Variants in CFAP46 observed in about 807,000 individuals in gnomAD.
CFAP46 encodes cilia and flagella associated protein 46, also known as cilia- and flagella-associated protein 46.
CFAP46 carries 245 observed loss-of-function variants against 325.7 expected under a neutral mutation model. The observed-to-expected ratio is 0.75, with a 90% CI of 0.68 to 0.84. The LOEUF is 0.84. CFAP46 is among the 40% of genes least tolerant of loss of function. The pLI is 0.00. For synonymous variants in CFAP46, 1,523 were observed against 1,495.9 expected, an observed-to-expected ratio of 1.02 and a Z score of -0.42; for missense variants, 3,346 against 3,543.0, an observed-to-expected ratio of 0.94 and a Z score of 1.41.
At chr10:132,840,313 T>A (rs968258879) in intron 44 of CFAP46, among the ~76,000 whole-genome samples, 1 of 152,236 alleles carries the variant, frequency 6.6e-6, no homozygotes, top group African/African-American at 2.4e-5. Flanking sequence ...TGGGTCTTTT[T>A]CTTACTGATA....
rs1056794287 is a variant in CFAP46, at chr10:132,827,861, G to A, written c.7117+5497C>T. Among the ~76,000 whole-genome samples the A allele has an allele frequency of 2.7e-5, 4 of 150,418 alleles. No individual in the cohort carries two copies. The highest frequency in any genetic ancestry group is 2.7e-4 in the Admixed American group (4 of 15,084). ...GTATTTCCCAGGCTTTTGTAAAAAT[G>A]AAACCATCCCTGTGCACTCCCTTGA... On this transcript the variant is annotated intron_variant, in intron 50 of 57. Transcript: ENST00000368586. The surrounding 1 kb of genome is among the most constrained non-coding windows in gnomAD (Gnocchi z 5.7).
chr10:132,868,893 C>T (rs556705416), intron 33 of CFAP46, among the ~76,000 whole-genome samples: 1 of 152,366 alleles, frequency 6.6e-6, no homozygotes, highest in South Asian at 2.1e-4. Context: ...TAAACTTCAA[C>T]AGCTCTGAAG....
At chr10:132,882,594 C>G (rs1554881327) in intron 27 of CFAP46, among the ~76,000 whole-genome samples, 8 of 151,718 alleles carry the variant, frequency 5.3e-5, no homozygotes, top group Non-Finnish European at 1.2e-4. Flanking sequence ...ATTCACAGGT[C>G]TAGCGGGTGG....
At chr10:132,836,745 C>T (rs999052787) in intron 45 of CFAP46, 72 bp downstream of exon 45, 15 of 1,321,144 alleles carry the variant, frequency 1.1e-5, no homozygotes, top group South Asian at 2.4e-5. Context: ...GGGCAGCCCA[C>T]GGCTGGGTCT....
chr10:132,870,641 C>G (rs749876114), intron 32 of CFAP46, among the ~76,000 whole-genome samples: 4 of 152,206 alleles, frequency 2.6e-5, no homozygotes, highest in Non-Finnish European at 4.4e-5. Context: ...TCATCCAGAG[C>G]CAGGCCCTCA....
intron 39 of CFAP46, among the ~76,000 whole-genome samples, 155 bp downstream of exon 39, chr10:132,857,435 T>A (rs1248936813): frequency 1.3e-5 from 2 of 152,260 alleles, no homozygotes; most frequent in South Asian, 2.1e-4. Flanking sequence ...ATACACTGTT[T>A]GTTTTTTTGT....
At chr10:132,823,288 G>GCA (rs1227975943) in intron 50 of CFAP46, among the ~76,000 whole-genome samples, 6 of 117,472 alleles carry the variant, frequency 5.1e-5, no homozygotes, top group Non-Finnish European at 8.7e-5. Context: ...TGCTGTGTGT[G>GCA]CTGTGTGTTG....
At chr10:132,818,197 G>T (rs1051892044) in intron 50 of CFAP46, among the ~76,000 whole-genome samples, 1 of 152,118 alleles carries the variant, frequency 6.6e-6, no homozygotes, top group Non-Finnish European at 1.5e-5. Context: ...AGTGGTGGCC[G>T]CGCCGGGCAG....
intron 24 of CFAP46, among the ~76,000 whole-genome samples, chr10:132,897,560 A>G (rs1042933897): frequency 1.3e-5 from 2 of 152,242 alleles, no homozygotes; most frequent in Admixed American, 6.5e-5. Context: ...GCAGCCAGAA[A>G]ATGTGCTGGG....
At chr10:132,875,504 T>C (rs1472721444) in intron 31 of CFAP46, among the ~76,000 whole-genome samples, 1 of 152,196 alleles carries the variant, frequency 6.6e-6, no homozygotes, top group Non-Finnish European at 1.5e-5. Context: ...AGCTCAGTAA[T>C]TGACAATGAG....
chr10:132,856,194 T>C (rs1459752809), intron 39 of CFAP46, among the ~76,000 whole-genome samples: 1 of 152,224 alleles, frequency 6.6e-6, no homozygotes, highest in Non-Finnish European at 1.5e-5. Flanking sequence ...AGCTGCGCCA[T>C]TCACCTCTGC....
At chr10:132,887,686 T>C (rs1849176333) in intron 25 of CFAP46, among the ~76,000 whole-genome samples, 1 of 91,600 alleles carries the variant, frequency 1.1e-5, no homozygotes, top group African/African-American at 4.3e-5. Flanking sequence ...TCTCCTCTCC[T>C]CTCTCTCTCC....
At chr10:132,843,101 C>T (rs191079243) in intron 44 of CFAP46, among the ~76,000 whole-genome samples, 160 of 152,350 alleles carry the variant, frequency 1.1e-3, no homozygotes, top group African/African-American at 3.3e-3. Context: ...TTCTCAGTCA[C>T]AGATTCAACC....
rs916612134 is a variant in CFAP46 at position 132,866,183 on chromosome 10, C to T, written c.4744-12G>A. The T allele has an allele frequency of 7.3e-6, 11 of 1,508,540 alleles. No individual in the cohort carries two copies. The highest frequency in any genetic ancestry group is 7.0e-5 in the African/African-American group (5 of 71,654). 93.4% of individuals were successfully genotyped at this position (1,508,540 alleles called of 1,614,324 possible). On this transcript the variant is annotated splice_polypyrimidine_tract_variant and intron_variant, in intron 34 of 57. Transcript: ENST00000368586. ...TTCATCTTCAAAATCTGTAAGATAC[C>T]GCAGCCCCAGGCGGCACGATCCTGA...
intron 36 of CFAP46, 61 bp downstream of exon 36, chr10:132,860,721 C>T (rs952833490): frequency 6.6e-7 from 1 of 1,522,986 alleles, no homozygotes; most frequent in Admixed American, 2.0e-5. Context: ...GACGCCCTTC[C>T]TCTCCACCAA....
At chr10:132,938,781 G>A (rs770812055) in intron 4 of CFAP46, 28 bp from the exon 5 acceptor site, 5 of 1,601,378 alleles carry the variant, frequency 3.1e-6, no homozygotes, top group Non-Finnish European at 8.5e-7. Flanking sequence ...GAAGCAGAGA[G>A]CACGCTCAAA....
chr10:132,907,794 G>A (rs548215181), intron 22 of CFAP46, among the ~76,000 whole-genome samples: 31 of 152,270 alleles, frequency 2.0e-4, no homozygotes, highest in Admixed American at 5.9e-4. Flanking sequence ...CTCACAAACA[G>A]GGTTAGTCCC....
At chr10:132,941,568 A>G in intron 3 of CFAP46, 23 bp downstream of exon 3, 1 of 1,605,844 alleles carries the variant, frequency 6.2e-7, no homozygotes, top group African/African-American at 1.3e-5. Context: ...TGTTGGGGAT[A>G]AGGGGCACAG....
intron 22 of CFAP46, among the ~76,000 whole-genome samples, chr10:132,901,052 G>A (rs1849385850): frequency 6.6e-6 from 1 of 152,188 alleles, no homozygotes; most frequent in Non-Finnish European, 1.5e-5. Flanking sequence ...CTTGTGGTTG[G>A]CACTTGCAGA....
Sources: allele counts gnomAD v4.1 joint callset (sites outside exome capture counted in the v4.1 genomes callset), GRCh38; gene constraint gnomAD v4.1.1; non-coding constraint Gnocchi (gnomAD v3.1); transcripts MANE v1.5; gene names NCBI Gene and HGNC (gene_info 2026-07-23, HGNC 2026-07-21).